The following CACNA2D3 variants were observed in gnomAD, a reference collection of about 807,000 sequenced individuals.
CACNA2D3 encodes calcium voltage-gated channel auxiliary subunit alpha2delta 3.
A neutral mutation model predicts 160.6 loss-of-function variants in CACNA2D3; 60 were observed. The ratio of observed to expected loss-of-function variants is 0.37; its 90% CI spans 0.30 to 0.46. The LOEUF is 0.46. Ranked by LOEUF, CACNA2D3 falls within the 20% of genes least tolerant of loss-of-function variation. The probability of loss-of-function intolerance (pLI) is 1.00; values close to 1 mark genes in which losing one functional copy is unlikely to be tolerated. For synonymous variants in CACNA2D3, 558 were observed against 492.9 expected (o/e 1.13, Z -1.75); for missense variants, 1,205 against 1,365.0 (o/e 0.88, Z 1.85).
At chr3:54,486,105 A>G (rs1263259203) in intron 4 of CACNA2D3, among the ~76,000 whole-genome samples, 1 of 152,204 alleles carries the variant, frequency 6.6e-6, no homozygotes, top group Non-Finnish European at 1.5e-5. Flanking sequence ...TTTGTTCTAT[A>G]AATGAATGGG....
chr3:54,684,251 C>T (rs1051881016), intron 11 of CACNA2D3, among the ~76,000 whole-genome samples: 9 of 152,120 alleles, frequency 5.9e-5, no homozygotes, highest in East Asian at 5.8e-4. Context: ...TAAGCCACCA[C>T]GCCTGGCCAA....
At chr3:54,716,680 T>G (rs1244796588) in intron 11 of CACNA2D3, among the ~76,000 whole-genome samples, 1 of 152,188 alleles carries the variant, frequency 6.6e-6, no homozygotes, top group Non-Finnish European at 1.5e-5. Flanking sequence ...AAGTTCTATC[T>G]GTAGCTATCA....
intron 9 of CACNA2D3, among the ~76,000 whole-genome samples, chr3:54,615,050 A>C (rs938900518): frequency 2.0e-5 from 3 of 152,224 alleles, no homozygotes; most frequent in Non-Finnish European, 4.4e-5. Flanking sequence ...ACGGCAGCTA[A>C]CATTTATCCA....
Position 55,058,539 on chromosome 3 carries a change from G to A in CACNA2D3, c.2988-14906G>A, listed in dbSNP as rs755815105. ...AATGATCCTGGAAAAGTTTCACTCCGGTTTTAGTTTCTCTGGTGGTCAGCA... is the reference window on the plus strand; with the variant it reads ...AATGATCCTGGAAAAGTTTCACTCCAGTTTTAGTTTCTCTGGTGGTCAGCA... On this transcript the variant is annotated intron_variant, in intron 35 of 37. Transcript: ENST00000474759. Among the ~76,000 whole-genome samples the A allele has an allele frequency of 4.6e-5, 7 of 151,904 alleles. No individual in the cohort carries two copies. In the South Asian group the frequency reaches 6.3e-4, roughly 14 times the overall value.
chr3:55,074,332 TCATGATTTTAAACTGTG>T lies in CACNA2D3; in HGVS notation c.*128_*144del. 1.3e-6 allele frequency: 1 copy of T among 761,978 alleles called. No homozygotes were observed. The highest frequency in any genetic ancestry group is 1.5e-5 in the South Asian group (1 of 65,104). The allele number at this position is 761,978 out of a possible 1,614,324, so 47.2% of individuals were successfully genotyped here. A position where few individuals can be genotyped will look rare whatever the true frequency, so the allele number is the denominator to read the frequency against. ...ATATAGTCCAACCATCAGCATCTCA[TCATGATTTTAAACTGTG>T]CGTGATATAAACTCTTAAAGATATG... On this transcript the variant is annotated 3_prime_UTR_variant, in exon 38 of 38. Transcript: ENST00000474759.
chr3:54,350,846 C>T (rs1698539370), intron 3 of CACNA2D3, among the ~76,000 whole-genome samples: 1 of 152,070 alleles, frequency 6.6e-6, no homozygotes, highest in Admixed American at 6.5e-5. Flanking sequence ...CTTTTGTGGC[C>T]CTGTCTCACG....
At chr3:54,399,554 C>T (rs1413455940) in intron 4 of CACNA2D3, among the ~76,000 whole-genome samples, 4 of 22,026 alleles carry the variant, frequency 1.8e-4, no homozygotes, top group African/African-American at 4.2e-4. Flanking sequence ...CCCTCAGCTG[C>T]AGGTCTGTTG....
At chr3:54,941,819 C>T (rs1391563379) in intron 27 of CACNA2D3, among the ~76,000 whole-genome samples, 1 of 152,146 alleles carries the variant, frequency 6.6e-6, no homozygotes, top group Non-Finnish European at 1.5e-5. Context: ...TGGGGAGAGG[C>T]TTCAGGGACA....
intron 2 of CACNA2D3, among the ~76,000 whole-genome samples, chr3:54,132,625 G>GT (rs1475133052): frequency 2.0e-5 from 3 of 152,126 alleles, no homozygotes; most frequent in Admixed American, 1.3e-4. Context: ...GAGGTTTTCA[G>GT]TTTTTTTGCT....
At chr3:54,871,976 C>T (rs1699546572) in intron 18 of CACNA2D3, among the ~76,000 whole-genome samples, 1 of 152,224 alleles carries the variant, frequency 6.6e-6, no homozygotes. Flanking sequence ...CAGGCTCTGC[C>T]TGGTGCAAAG....
chr3:54,611,366 C>T (rs1698745746), intron 9 of CACNA2D3, among the ~76,000 whole-genome samples: 1 of 152,196 alleles, frequency 6.6e-6, no homozygotes, highest in African/African-American at 2.4e-5. Flanking sequence ...CTTCAAATAA[C>T]TCTCTCTCAA....
At chr3:54,353,201 C>A (rs920168249) in intron 3 of CACNA2D3, among the ~76,000 whole-genome samples, 3 of 152,178 alleles carry the variant, frequency 2.0e-5, no homozygotes, top group African/African-American at 4.8e-5. Context: ...TGCAGTCTTA[C>A]TGGTAGAGCT....
intron 35 of CACNA2D3, among the ~76,000 whole-genome samples, chr3:55,064,434 G>C (rs1005512439): frequency 2.5e-4 from 38 of 152,080 alleles, no homozygotes; most frequent in African/African-American, 8.9e-4. Flanking sequence ...CTAGTTGCTG[G>C]GCTGAGTGCA....
At chr3:54,503,714 G>C in intron 5 of CACNA2D3, 60 bp downstream of exon 5, 1 of 1,491,734 alleles carries the variant, frequency 6.7e-7, no homozygotes, top group Non-Finnish European at 9.3e-7. Context: ...TGAGAAGCAG[G>C]GGCTGGCTGG....
Position 54,969,839 on chromosome 3 carries a change from G to A in CACNA2D3, c.2551G>A (p.Asp851Asn). The change falls in exon 29 of 38, where the codon GAT becomes AAT. Residue 851 changes from aspartate (D) to asparagine (N), a missense_variant. Physicochemically the swap from Asp to Asn is conservative, Grantham distance 23. Transcript: ENST00000474759. ...LDGKCSISCD[D>N]ETVNCYLIDN... ...TGGCAAATGCTCCATCAGCTGTGAT[G>A]ATGAGGTAAGACGGCCTCCTGGTCC... 1 of 1,613,374 alleles carries A rather than the reference G, an allele frequency of 6.2e-7. No homozygotes were observed. The highest frequency in any genetic ancestry group is 8.5e-7 in the Non-Finnish European group (1 of 1,179,580).
At chr3:55,032,732 A>T (rs1008636996) in intron 35 of CACNA2D3, among the ~76,000 whole-genome samples, 1 of 152,108 alleles carries the variant, frequency 6.6e-6, no homozygotes, top group African/African-American at 2.4e-5. Context: ...GAATATTACA[A>T]GGTATTATAG....
chr3:54,667,868 G>A (rs999188996), intron 11 of CACNA2D3, among the ~76,000 whole-genome samples: 4 of 151,766 alleles, frequency 2.6e-5, no homozygotes, highest in Admixed American at 2.0e-4. Flanking sequence ...GATCACCTGA[G>A]CCTGGGAGGT....
At chr3:54,315,293 C>T (rs1435357823) in intron 2 of CACNA2D3, among the ~76,000 whole-genome samples, 1 of 152,144 alleles carries the variant, frequency 6.6e-6, no homozygotes, top group Non-Finnish European at 1.5e-5. Flanking sequence ...GCTCCAAGCT[C>T]ACCCCGCAGA....
At chr3:54,131,031 G>A (rs897245252) in intron 2 of CACNA2D3, among the ~76,000 whole-genome samples, 4 of 152,212 alleles carry the variant, frequency 2.6e-5, no homozygotes, top group African/African-American at 7.2e-5. Context: ...AATATGCAAA[G>A]CACTTAGCAC....
Sources: allele counts gnomAD v4.1 joint callset (sites outside exome capture counted in the v4.1 genomes callset), GRCh38; gene constraint gnomAD v4.1.1; transcripts MANE v1.5; gene names NCBI Gene and HGNC (gene_info 2026-07-23, HGNC 2026-07-21).